The following SZT2 variants were observed in gnomAD, a reference collection of about 807,000 sequenced individuals.
SZT2 encodes SZT2 subunit of KICSTOR complex.
SZT2 carries 216 observed loss-of-function variants against 404.2 expected under a neutral mutation model. That is an observed-to-expected ratio of 0.53 (90% CI 0.48 to 0.60). The LOEUF (loss-of-function observed/expected upper bound fraction) is 0.60, where lower values mean the gene tolerates loss of function less well. Among genes scored for constraint, SZT2 ranks in the 20% least tolerant of loss-of-function variants. The pLI, the probability that SZT2 is intolerant of heterozygous loss-of-function variation, is 0.00. For missense variants in SZT2, 3,857 were observed against 4,459.2 expected (o/e 0.86, Z 3.85); for synonymous variants, 1,693 against 1,749.9 (o/e 0.97, Z 0.81).
At position 43,454,138 on chromosome 1, in the gene SZT2, G is replaced by C. The variant is rs545314618; in HGVS notation, c.*3658G>C. ...CCCGAGGGCCCGGTTGCAATGATGG[G>C]ACGCGCACTTTAATACTGAGTCTTT... is the stretch of plus-strand genomic sequence containing the variant. On this transcript the variant is annotated 3_prime_UTR_variant, in exon 72 of 72. Coordinates refer to ENST00000634258, the MANE Select transcript of SZT2 (RefSeq NM_001365999.1). The C allele has an allele frequency of 1.7e-4, 108 of 628,014 alleles. No individual in the cohort carries two copies. The African/African-American group carries it at 1.8e-3, about 11-fold the overall frequency. The allele number at this position is 628,014 out of a possible 1,614,324, so 38.9% of individuals were successfully genotyped here. A position where few individuals can be genotyped will look rare whatever the true frequency, so the allele number is the denominator to read the frequency against.
At chr1:43,444,499 C>T (rs1655445900) in intron 62 of SZT2, among the ~76,000 whole-genome samples, 1 of 152,084 alleles carries the variant, frequency 6.6e-6, no homozygotes, top group African/African-American at 2.4e-5. Context: ...TGATGTAGTT[C>T]TCGGCCCAGG....
At chr1:43,413,478 T>C (rs1198987450) in intron 4 of SZT2, among the ~76,000 whole-genome samples, 1 of 152,144 alleles carries the variant, frequency 6.6e-6, no homozygotes, top group Non-Finnish European at 1.5e-5. Flanking sequence ...AGGAAATCAG[T>C]ATATGGAAGA....
Position 43,437,081 on chromosome 1 carries a change from G to A in SZT2, c.6035-90G>A. On this transcript the variant is annotated intron_variant, in intron 42 of 71. Transcript: ENST00000634258. This position sits in a 1 kb window ranked among gnomAD's most constrained non-coding sequence, Gnocchi z 5.3. ...TAGTCAGGGATGAGTCTGGAGGAGT[G>A]AGGACAAGTAGGCCAGTTCCCAGGT... 1 of 1,527,358 alleles carries A rather than the reference G, an allele frequency of 6.5e-7. No homozygotes were observed. The highest frequency in any genetic ancestry group is 8.9e-7 in the Non-Finnish European group (1 of 1,122,542). 94.6% of individuals were successfully genotyped at this position (1,527,358 alleles called of 1,614,324 possible).
At position 43,424,248 on chromosome 1, in the gene SZT2, C is replaced by T. The variant is rs1243314681; in HGVS notation, c.2287C>T (p.Pro763Ser). 6.3e-7 allele frequency: 1 copy of T among 1,597,866 alleles called. No individual in the cohort carries two copies. The highest frequency in any genetic ancestry group is 1.1e-5 in the South Asian group (1 of 91,080). The change falls in exon 16 of 72, where the codon CCC (proline) becomes TCC (serine). Residue 763 changes from proline (P) to serine (S), a missense_variant. Physicochemically the swap from Pro to Ser is moderately conservative, Grantham distance 74. This residue lies in a region of SZT2 where 1,725 missense variants were observed against 1,881.0 expected (regional missense o/e 0.92). Transcript: ENST00000634258. This position sits in a 1 kb window ranked among gnomAD's most constrained non-coding sequence, Gnocchi z 4.1. ...YEKLPLDYRA[P>S]FLLTLEPPGP... ...GAAGCTGCCCTTGGACTACCGGGCA[C>T]CCTTCTTGCTGACATTGGAGCCACC...
In SZT2 at chr1:43,442,042, A is replaced by G. The variant is rs139803823; in HGVS notation, c.7785A>G (p.Gln2595=). Residue 2595 remains glutamine, a synonymous_variant, in exon 56 of 72, where the codon CAA becomes CAG. Coordinates refer to ENST00000634258, the MANE Select transcript of SZT2 (RefSeq NM_001365999.1). The surrounding 1 kb of genome is among the most constrained non-coding windows in gnomAD (Gnocchi z 4.5). ...PEIFGPCSPG[Q]LGPSPRPAAE... is the part of the protein sequence containing the mutation. ...TCTTCGGCCCTTGTTCCCCTGGGCAACTGGGCCCCTCTCCCCGCCCTGCAG... is the reference window on the plus strand; with the variant it reads ...TCTTCGGCCCTTGTTCCCCTGGGCAGCTGGGCCCCTCTCCCCGCCCTGCAG... The G allele has an allele frequency of 4.3e-6, 7 of 1,614,068 alleles. No homozygotes were observed. Among genetic ancestry groups the G allele is most frequent in the African/African-American group, 2.7e-5 (2 of 75,032 alleles).
At chr1:43,427,239 T>G (rs766551598) in intron 24 of SZT2, 42 bp from the exon 25 acceptor site, 2 of 1,605,334 alleles carry the variant, frequency 1.2e-6, no homozygotes, top group Admixed American at 1.7e-5. Flanking sequence ...GCTCCCTCAC[T>G]GGCCCACCAG....
Position 43,441,348 on chromosome 1 carries a change from G to A in SZT2, c.7479G>A (p.Ala2493=), listed in dbSNP as rs751309639. The A allele has an allele frequency of 2.0e-5, 33 of 1,614,070 alleles. No individual in the cohort carries two copies. Among genetic ancestry groups the A allele is most frequent in the African/African-American group, 6.7e-5 (5 of 74,918 alleles). ...SVRTPGGAER[A]PGSDSGAQRQ... is the part of the protein sequence containing the mutation. ...GGACTCCTGGTGGAGCTGAGCGGGC[G>A]CCAGGCTCAGATTCTGGAGCCCAGA... The change falls in exon 53 of 72, where the codon GCG becomes GCA. Residue 2493 remains alanine (A), a synonymous_variant. Coordinates refer to ENST00000634258, the MANE Select transcript of SZT2 (RefSeq NM_001365999.1). This position sits in a 1 kb window ranked among gnomAD's most constrained non-coding sequence, Gnocchi z 4.8.
In SZT2 at chr1:43,432,868, G is replaced by A. The variant is rs934319970; in HGVS notation, c.5602+69G>A. 9 of 1,598,634 alleles carry A rather than the reference G, an allele frequency of 5.6e-6. No homozygotes were observed. The Admixed American group carries it at 6.7e-5, about 12-fold the overall frequency. On this transcript the variant is annotated intron_variant, in intron 39 of 71. Transcript: ENST00000634258. ...GTGGGCTTAGGGCTGTACTGGGAAA[G>A]GTCTGGACAGGAGACATCAGAAGGG...
At chr1:43,432,646 A>C in intron 38 of SZT2, 42 bp downstream of exon 38, 1 of 1,612,680 alleles carries the variant, frequency 6.2e-7, no homozygotes. Flanking sequence ...CCAGGACCAG[A>C]TCCCTGACCA....
At chr1:43,422,458 C>G (rs755972188) in intron 12 of SZT2, 22 bp from the exon 13 acceptor site, 1 of 1,553,664 alleles carries the variant, frequency 6.4e-7, no homozygotes, top group Non-Finnish European at 8.6e-7. Flanking sequence ...GGTCTAACCT[C>G]AGTCCACACC....
intron 4 of SZT2, among the ~76,000 whole-genome samples, chr1:43,414,648 A>G (rs904868632): frequency 2.0e-5 from 3 of 152,196 alleles, no homozygotes; most frequent in African/African-American, 7.2e-5. Context: ...AGGAGTCTCC[A>G]TGGTGACAGC....
intron 41 of SZT2, among the ~76,000 whole-genome samples, chr1:43,434,895 T>G (rs1654301538): frequency 6.6e-6 from 1 of 152,208 alleles, no homozygotes; most frequent in Non-Finnish European, 1.5e-5. Flanking sequence ...TAGAAGCTGC[T>G]ACGAAAGCAT....
rs1553154643 is a variant in SZT2, at chr1:43,443,774, C to T, written c.8803C>T (p.Arg2935Trp). The T allele has an allele frequency of 6.2e-7, 1 of 1,613,742 alleles. No homozygotes were observed. Among genetic ancestry groups the T allele is most frequent in the Non-Finnish European group, 8.5e-7 (1 of 1,180,026 alleles). The change falls in exon 62 of 72, where the codon CGG becomes TGG. Residue 2935 changes from arginine to tryptophan, a missense_variant. Physicochemically the swap from Arg to Trp is moderately radical, Grantham distance 101 (BLOSUM62 -3). Around this residue, in one of 7 missense-constraint regions of SZT2, gnomAD observed 717 missense variants for 868.2 expected, o/e 0.83. Transcript: ENST00000634258. ...QSIGFVLVPL[R>W]PPSPARSTSR... ...CATAGGTTTTGTGCTGGTACCACTG[C>T]GGCCCCCCTCACCCGCCCGCAGGTG...
At chr1:43,431,236 G>A in intron 33 of SZT2, 29 bp from the exon 34 acceptor site, 2 of 1,579,528 alleles carry the variant, frequency 1.3e-6, no homozygotes, top group South Asian at 2.4e-5. Context: ...AGTAACTCCT[G>A]ACCTTTGACT....
chr1:43,446,736 A>G lies in SZT2; in HGVS notation c.9073-219A>G, dbSNP rs1655717266. ...ATAGAGCAAAATGGCCCAGTTTCTG[A>G]AAATGGCCCTAGTTTCATGGAGATA... On this transcript the variant is annotated intron_variant, in intron 65 of 71. Coordinates refer to ENST00000634258, the MANE Select transcript of SZT2 (RefSeq NM_001365999.1). 3 of 627,672 alleles carry G rather than the reference A, an allele frequency of 4.8e-6. No individual in the cohort carries two copies. In the Admixed American group the frequency reaches 8.8e-5, roughly 18 times the overall value. The allele number at this position is 627,672 out of a possible 1,614,324, so 38.9% of individuals were successfully genotyped here. A position where few individuals can be genotyped will look rare whatever the true frequency, so the allele number is the denominator to read the frequency against.
chr1:43,440,335 T>C (rs1654928665), intron 51 of SZT2, 118 bp from the exon 52 acceptor site: 3 of 1,418,764 alleles, frequency 2.1e-6, no homozygotes, highest in Non-Finnish European at 2.8e-6. Context: ...GTATATACTG[T>C]CATTCACTGA....
rs753924295 is a variant in SZT2, at chr1:43,426,004, C to T, written c.2930-34C>T. 3 of 1,612,438 alleles carry T rather than the reference C, an allele frequency of 1.9e-6. No individual in the cohort carries two copies. The highest frequency in any genetic ancestry group is 2.2e-5 in the East Asian group (1 of 44,860). On this transcript the variant is annotated intron_variant, in intron 20 of 71. Transcript: ENST00000634258. The surrounding 1 kb of genome is among the most constrained non-coding windows in gnomAD (Gnocchi z 4.9). Reference sequence around the variant, plus strand: ...GCAGGGGAGTGGGTAGGGTAATCTGCGTCTCACTGTGTCCTGTCCTTCCTC... The same window carrying T: ...GCAGGGGAGTGGGTAGGGTAATCTGTGTCTCACTGTGTCCTGTCCTTCCTC...
At position 43,420,119 on chromosome 1, in the gene SZT2, A is replaced by G. The variant is rs759799162; in HGVS notation, c.1091-34A>G. ...CAGATCTGTCAGTTGGCAGATAACC[A>G]GTTTCTCCTTCCCCATCTCCACTGG... On this transcript the variant is annotated intron_variant, in intron 8 of 71. Transcript: ENST00000634258. The surrounding 1 kb of genome is among the most constrained non-coding windows in gnomAD (Gnocchi z 5.1). 5 of 1,594,684 alleles carry G rather than the reference A, an allele frequency of 3.1e-6. No homozygotes were observed. Among genetic ancestry groups the G allele is most frequent in the East Asian group, 2.2e-5 (1 of 44,848 alleles).
chr1:43,433,069 A>T lies in SZT2; in HGVS notation c.5683A>T (p.Thr1895Ser). ...TGAGAAGGCCCCCTTCACATTGCGGACTCCACCTGGGCCAGCACCTCCACA... is the reference window on the plus strand; with the variant it reads ...TGAGAAGGCCCCCTTCACATTGCGGTCTCCACCTGGGCCAGCACCTCCACA... ...LGEKAPFTLR[T>S]PPGPAPPQPS... The change falls in exon 40 of 72, where the codon ACT (threonine) becomes TCT (serine). Residue 1895 changes from threonine (T) to serine (S), a missense_variant. Thr to Ser is a moderately conservative substitution (Grantham distance 58, BLOSUM62 1). Transcript: ENST00000634258. 1 of 1,613,102 alleles carries T rather than the reference A, an allele frequency of 6.2e-7. No individual in the cohort carries two copies. The highest frequency in any genetic ancestry group is 8.5e-7 in the Non-Finnish European group (1 of 1,179,786).
Sources: allele counts gnomAD v4.1 joint callset (sites outside exome capture counted in the v4.1 genomes callset), GRCh38; gene constraint gnomAD v4.1.1; regional missense constraint gnomAD v4.1.1; non-coding constraint Gnocchi (gnomAD v3.1); transcripts MANE v1.5; gene names NCBI Gene and HGNC (gene_info 2026-07-23, HGNC 2026-07-21).